Variants in CAMKMT observed in about 807,000 individuals in gnomAD.
CAMKMT encodes CaM KMT.
A neutral mutation model predicts 48.0 loss-of-function variants in CAMKMT; 53 were observed. The observed-to-expected ratio is 1.10, with a 90% CI of 0.89 to 1.39. CAMKMT has a LOEUF of 1.39. CAMKMT is among the 40% of genes most tolerant of loss of function. The pLI is 0.00. For missense variants in CAMKMT, 428 were observed against 402.7 expected, an observed-to-expected ratio of 1.06 and a Z score of -0.54; for synonymous variants, 165 against 152.3, an observed-to-expected ratio of 1.08 and a Z score of -0.61.
At chr2:44,422,661 C>G (rs144123671) in intron 3 of CAMKMT, among the ~76,000 whole-genome samples, 1 of 152,210 alleles carries the variant, frequency 6.6e-6, no homozygotes. Context: ...ATTGGACTAT[C>G]CAAATATATT....
intron 3 of CAMKMT, among the ~76,000 whole-genome samples, chr2:44,506,040 G>C (rs910598255): frequency 6.6e-6 from 1 of 151,764 alleles, no homozygotes; most frequent in African/African-American, 2.4e-5. Context: ...TTTTTTTATA[G>C]AGACAGGATT....
chr2:44,418,568 C>G (rs1391187737), intron 3 of CAMKMT, among the ~76,000 whole-genome samples: 1 of 152,116 alleles, frequency 6.6e-6, no homozygotes, highest in African/African-American at 2.4e-5. Flanking sequence ...ACGTGTTAGT[C>G]TTTTCTAGAG....
At chr2:44,374,675 G>T (rs1030604071) in intron 2 of CAMKMT, among the ~76,000 whole-genome samples, 1 of 152,178 alleles carries the variant, frequency 6.6e-6, no homozygotes, top group African/African-American at 2.4e-5. Flanking sequence ...CCAAGCTATA[G>T]AGTAAACTGG....
At chr2:44,448,073 A>G (rs1174928393) in intron 3 of CAMKMT, among the ~76,000 whole-genome samples, 1 of 152,150 alleles carries the variant, frequency 6.6e-6, no homozygotes, top group Non-Finnish European at 1.5e-5. Context: ...CTGCACATTC[A>G]TCCAGTTTGT....
chr2:44,621,215 C>T (rs911227900), intron 3 of CAMKMT, among the ~76,000 whole-genome samples: 1 of 135,514 alleles, frequency 7.4e-6, no homozygotes, highest in African/African-American at 2.8e-5. Context: ...TGCAGTGAGA[C>T]GAGATCGCAC....
chr2:44,492,033 G>A (rs1327109647), intron 3 of CAMKMT, among the ~76,000 whole-genome samples: 1 of 152,180 alleles, frequency 6.6e-6, no homozygotes, highest in Admixed American at 6.5e-5. Context: ...AACTGCAGAT[G>A]TGAGACTCAT....
chr2:44,472,397 C>T lies in CAMKMT; in HGVS notation c.376+82092C>T, dbSNP rs201886411. ...TAAATGAGATAATGTATATAAAGTA[C>T]ATACCATAGTAGTCAGCGAATAAAT... On this transcript the variant is annotated intron_variant, in intron 3 of 10. Coordinates refer to ENST00000378494, the MANE Select transcript of CAMKMT (RefSeq NM_024766.5). Among the ~76,000 whole-genome samples, 11 of 152,266 alleles carry T rather than the reference C, an allele frequency of 7.2e-5. No individual in the cohort carries two copies. In the East Asian group the frequency reaches 1.9e-3, roughly 27 times the overall value.
intron 1 of CAMKMT, 77 bp from the exon 2 acceptor site, chr2:44,372,639 A>T (rs1358465472): frequency 7.3e-7 from 1 of 1,361,516 alleles, no homozygotes; most frequent in Non-Finnish European, 1.0e-6. Flanking sequence ...CTTACCACTT[A>T]AATTTTGAAC....
intron 7 of CAMKMT, among the ~76,000 whole-genome samples, chr2:44,740,696 C>T (rs559000647): frequency 6.6e-6 from 1 of 152,226 alleles, no homozygotes; most frequent in South Asian, 2.1e-4. Flanking sequence ...TGCACAGGTG[C>T]AGTCATGGAC....
rs532290765 is a variant in CAMKMT, at chr2:44,739,478, T to C, written c.624-4144T>C. Reference sequence around the variant, plus strand: ...AAAAAAGACTGAATGAAGTGAGTTTTAGGGAAAATGATTGGGAATTCAAAT... The same window carrying C: ...AAAAAAGACTGAATGAAGTGAGTTTCAGGGAAAATGATTGGGAATTCAAAT... On this transcript the variant is annotated intron_variant, in intron 7 of 10. Transcript: ENST00000378494. Among the ~76,000 whole-genome samples, 8 of 152,324 alleles carry C rather than the reference T, an allele frequency of 5.3e-5. No homozygotes were observed. The South Asian group carries it at 1.7e-3, about 32-fold the overall frequency.
chr2:44,739,972 T>A (rs116812422), intron 7 of CAMKMT, among the ~76,000 whole-genome samples: 79 of 152,218 alleles, frequency 5.2e-4, no homozygotes, highest in African/African-American at 1.9e-3. Flanking sequence ...GGGATGGATC[T>A]AGGTGGCATA....
intron 3 of CAMKMT, among the ~76,000 whole-genome samples, chr2:44,416,710 G>T (rs1186569521): frequency 6.6e-6 from 1 of 150,740 alleles, no homozygotes; most frequent in Non-Finnish European, 1.5e-5. Context: ...AAGTAGCTGT[G>T]ATTACAGGTG....
intron 3 of CAMKMT, among the ~76,000 whole-genome samples, chr2:44,427,458 A>G (rs965111284): frequency 3.3e-5 from 5 of 152,208 alleles, no homozygotes; most frequent in African/African-American, 7.2e-5. Flanking sequence ...CAAATCAACA[A>G]GAAAAAAAAT....
At chr2:44,382,050 T>C (rs954047693) in intron 2 of CAMKMT, among the ~76,000 whole-genome samples, 1 of 151,344 alleles carries the variant, frequency 6.6e-6, no homozygotes, top group African/African-American at 2.4e-5. Context: ...CAAGCGATTC[T>C]CCTGCCTCAG....
intron 3 of CAMKMT, among the ~76,000 whole-genome samples, chr2:44,597,690 A>G (rs1156739000): frequency 6.6e-6 from 1 of 152,168 alleles, no homozygotes; most frequent in Non-Finnish European, 1.5e-5. Context: ...TTTAAAATAC[A>G]ATTGTGGTAT....
chr2:44,709,733 T>C (rs1677770845), intron 6 of CAMKMT, among the ~76,000 whole-genome samples: 1 of 152,168 alleles, frequency 6.6e-6, no homozygotes, highest in African/African-American at 2.4e-5. Context: ...GTTTACATCT[T>C]TCCTTTAAAA....
intron 7 of CAMKMT, chr2:44,723,707 T>C (rs191039142): frequency 6.6e-6 from 1 of 152,240 alleles, no homozygotes. Context: ...CCATCCACTG[T>C]ATTTTCTTGC....
intron 3 of CAMKMT, among the ~76,000 whole-genome samples, chr2:44,510,602 T>G (rs1370971507): frequency 6.6e-6 from 1 of 152,240 alleles, no homozygotes; most frequent in Non-Finnish European, 1.5e-5. Context: ...TTTCTCATTA[T>G]ACTTTCCCTC....
intron 3 of CAMKMT, among the ~76,000 whole-genome samples, chr2:44,604,393 G>T (rs942814361): frequency 4.6e-5 from 7 of 152,004 alleles, no homozygotes. Context: ...TATCATACAA[G>T]GTGTGACTAG....
Sources: allele counts gnomAD v4.1 joint callset (sites outside exome capture counted in the v4.1 genomes callset), GRCh38; gene constraint gnomAD v4.1.1; transcripts MANE v1.5; gene names NCBI Gene and HGNC (gene_info 2026-07-23, HGNC 2026-07-21).